POM121C: variants seen among roughly 807,000 people sequenced by gnomAD.
POM121C encodes the protein nuclear envelope pore membrane protein POM 121C.
Under a neutral mutation model 66.4 loss-of-function variants are expected in POM121C, and 20 were observed. The ratio of observed to expected loss-of-function variants is 0.30; its 90% CI spans 0.21 to 0.44. POM121C has a LOEUF of 0.44. POM121C is among the 20% of genes least tolerant of loss of function. The probability of loss-of-function intolerance (pLI) is 1.00; values close to 1 mark genes in which losing one functional copy is unlikely to be tolerated. For synonymous variants in POM121C, 286 were observed against 528.0 expected, an observed-to-expected ratio of 0.54 and a Z score of 6.28; for missense variants, 580 against 1,225.7, an observed-to-expected ratio of 0.47 and a Z score of 7.87.
At chr7:75,461,561 T>C (rs1791441905) in intron 3 of POM121C, among the ~76,000 whole-genome samples, 1 of 152,110 alleles carries the variant, frequency 6.6e-6, no homozygotes, top group African/African-American at 2.4e-5. Flanking sequence ...ATTACAGGCA[T>C]GCACCACCAC....
chr7:75,432,066 G>A (rs1236393631), intron 7 of POM121C, among the ~76,000 whole-genome samples: 1 of 151,360 alleles, frequency 6.6e-6, no homozygotes, highest in African/African-American at 2.4e-5. Context: ...TGCACCTATA[G>A]TCCCAGCTAC....
rs587725857 is a variant in POM121C at position 75,438,142 on chromosome 7, CCAT to C, written c.309-459_309-457del. Among the ~76,000 whole-genome samples, 126 of 152,220 alleles carry C rather than the reference CCAT, an allele frequency of 8.3e-4. 1 individual carries two copies. Among genetic ancestry groups the C allele is most frequent in the African/African-American group, 2.9e-3 (119 of 41,550 alleles). On this transcript the variant is annotated intron_variant, in intron 6 of 14. Coordinates refer to ENST00000615331, the MANE Select transcript of POM121C (RefSeq NM_001099415.3). ...AAAAAAAATCAGAGTTAAGAGGAAC[CCAT>C]CATTTTTCTAAACCTCCAATGGAAA...
intron 3 of POM121C, among the ~76,000 whole-genome samples, chr7:75,470,937 C>CAT (rs1409014251): frequency 3.6e-4 from 54 of 151,714 alleles, no homozygotes; most frequent in East Asian, 3.3e-3. Context: ...CCCAGTCCAG[C>CAT]ATATATATAT....
chr7:75,453,307 G>A lies in POM121C; in HGVS notation c.-151-11660C>T, dbSNP rs1791090087. Among the ~76,000 whole-genome samples, 4 of 151,532 alleles carry A rather than the reference G, an allele frequency of 2.6e-5. No homozygotes were observed. In the South Asian group the frequency reaches 8.4e-4, roughly 32 times the overall value. ...AAAAAAAAAAAAAGATACAGGCCAGGCGTGGTGGTTCACGCCTATAATCTC... is the reference window on the plus strand; with the variant it reads ...AAAAAAAAAAAAAGATACAGGCCAGACGTGGTGGTTCACGCCTATAATCTC... On this transcript the variant is annotated intron_variant, in intron 3 of 14. Transcript: ENST00000615331.
intron 12 of POM121C, among the ~76,000 whole-genome samples, chr7:75,423,627 G>T (rs1291022585): frequency 6.6e-6 from 1 of 151,918 alleles, no homozygotes. Flanking sequence ...AGAGGTGTGC[G>T]CGCGCAGTGC....
intron 14 of POM121C, 106 bp downstream of exon 14, chr7:75,419,214 G>T: frequency 1.4e-6 from 2 of 1,464,282 alleles, no homozygotes; most frequent in Non-Finnish European, 1.8e-6. Flanking sequence ...TGTCTTTCCT[G>T]TGCTGAACCT....
chr7:75,442,126 GA>G, intron 3 of POM121C: 1 of 1,367,404 alleles, frequency 7.3e-7, no homozygotes, highest in South Asian at 1.7e-5. Context: ...GATGATCTGG[GA>G]AAATCAGCGC....
At chr7:75,440,219 A>T (rs1790582165) in intron 5 of POM121C, among the ~76,000 whole-genome samples, 1 of 152,040 alleles carries the variant, frequency 6.6e-6, no homozygotes, top group Admixed American at 6.6e-5. Context: ...TAAAACTACC[A>T]AACTCTAGTT....
chr7:75,418,490 G>A lies in POM121C; in HGVS notation c.*306C>T. ...GTGGAAGGGGCGCCTGCCTAAGGGT[G>A]CGCTAAGCGGGAGTCAGGGCAGCGG... On this transcript the variant is annotated 3_prime_UTR_variant, in exon 15 of 15. Coordinates refer to ENST00000615331, the MANE Select transcript of POM121C (RefSeq NM_001099415.3). 8.9e-7 allele frequency: 1 copy of A among 1,123,336 alleles called. No individual in the cohort carries two copies. The highest frequency in any genetic ancestry group is 1.1e-6 in the Non-Finnish European group (1 of 918,388). The allele number at this position is 1,123,336 out of a possible 1,614,324, so 69.6% of individuals were successfully genotyped here. A position where few individuals can be genotyped will look rare whatever the true frequency, so the allele number is the denominator to read the frequency against.
chr7:75,472,313 AG>A (rs1791910983), intron 3 of POM121C, among the ~76,000 whole-genome samples: 1 of 151,694 alleles, frequency 6.6e-6, no homozygotes, highest in Non-Finnish European at 1.5e-5. Flanking sequence ...AGTTCAACAG[AG>A]AACTCCTGGC....
intron 3 of POM121C, among the ~76,000 whole-genome samples, chr7:75,448,507 A>G (rs1223833913): frequency 7.3e-6 from 1 of 136,662 alleles, no homozygotes; most frequent in Non-Finnish European, 1.6e-5. Context: ...AAACAGAAAA[A>G]AAAAAAAAAA....
intron 3 of POM121C, among the ~76,000 whole-genome samples, chr7:75,465,225 C>T (rs1336463891): frequency 6.6e-6 from 1 of 151,714 alleles, no homozygotes; most frequent in African/African-American, 2.4e-5. Context: ...GAACTCCTGA[C>T]CTCAGGTGAT....
At chr7:75,472,755 G>A (rs587720390) in intron 3 of POM121C, among the ~76,000 whole-genome samples, 34 of 150,270 alleles carry the variant, frequency 2.3e-4, no homozygotes, top group South Asian at 2.2e-3. Context: ...GCAGTGAGCC[G>A]AGATCATGCC....
At chr7:75,480,859 G>C (rs1554479999) in intron 1 of POM121C, among the ~76,000 whole-genome samples, 2 of 151,796 alleles carry the variant, frequency 1.3e-5, no homozygotes, top group Non-Finnish European at 2.9e-5. Context: ...GGCAAAACTG[G>C]AAAATGAACT....
At chr7:75,454,633 C>T (rs1321862112) in intron 3 of POM121C, among the ~76,000 whole-genome samples, 32 of 152,228 alleles carry the variant, frequency 2.1e-4, no homozygotes, top group African/African-American at 6.3e-4. Context: ...ATCCACTCTG[C>T]TCCCTGGCCC....
rs1789498391 is a variant in POM121C at position 75,417,127 on chromosome 7, T to G, written c.*1669A>C. The G allele has an allele frequency of 7.9e-6, 8 of 1,013,272 alleles. No individual in the cohort carries two copies. Among genetic ancestry groups the G allele is most frequent in the African/African-American group, 1.7e-5 (1 of 58,780 alleles). 62.8% of individuals were successfully genotyped at this position (1,013,272 alleles called of 1,614,324 possible). ...ACAGGTATTTAGGCTTGAGGTTCAC[T>G]CCCTCCTCAGCTGCACACGCAGCCA... is the stretch of plus-strand genomic sequence containing the variant. On this transcript the variant is annotated 3_prime_UTR_variant, in exon 15 of 15. Transcript: ENST00000615331.
intron 3 of POM121C, among the ~76,000 whole-genome samples, chr7:75,441,864 A>G (rs587652238): frequency 1.5e-4 from 22 of 151,674 alleles, no homozygotes; most frequent in African/African-American, 5.3e-4. Flanking sequence ...GATTGCAACA[A>G]TTTGAGAGGG....
At chr7:75,463,630 C>G (rs1408270133) in intron 3 of POM121C, among the ~76,000 whole-genome samples, 1 of 151,856 alleles carries the variant, frequency 6.6e-6, no homozygotes, top group Admixed American at 6.6e-5. Flanking sequence ...ACAGCAAAAG[C>G]AAACCCAGGG....
chr7:75,436,843 A>C (rs587676118), intron 7 of POM121C, among the ~76,000 whole-genome samples: 1 of 151,660 alleles, frequency 6.6e-6, no homozygotes, highest in African/African-American at 2.4e-5. Flanking sequence ...CTAGTCTTGA[A>C]CTCCTGGGCT....
Sources: gnomAD v4.1 joint callset for allele counts (sites outside exome capture counted in the v4.1 genomes callset) on GRCh38, gnomAD v4.1.1 for gene constraint, MANE v1.5 for transcripts, NCBI Gene and HGNC (gene_info 2026-07-23, HGNC 2026-07-21) for gene names.